ITPR1: variants seen among roughly 807,000 people sequenced by gnomAD.
ITPR1 encodes the protein inositol 1,4,5-trisphosphate-gated calcium channel ITPR1.
Under a neutral mutation model 318.4 loss-of-function variants are expected in ITPR1, and 96 were observed. The observed-to-expected ratio is 0.30, with a 90% CI of 0.26 to 0.36. The LOEUF is 0.36. Ranked by LOEUF, ITPR1 falls within the 10% of genes least tolerant of loss-of-function variation. The pLI, the probability that ITPR1 is intolerant of heterozygous loss-of-function variation, is 1.00. For synonymous variants in ITPR1, 1,312 were observed against 1,289.9 expected, an observed-to-expected ratio of 1.02 and a Z score of -0.37; for missense variants, 2,440 against 3,460.2, an observed-to-expected ratio of 0.71 and a Z score of 7.40.
chr3:4,726,872 T>C (rs2042554597), intron 41 of ITPR1, among the ~76,000 whole-genome samples: 1 of 152,254 alleles, frequency 6.6e-6, no homozygotes, highest in South Asian at 2.1e-4. Context: ...CAATAAATTA[T>C]GTTGGCCAAA....
intron 43 of ITPR1, among the ~76,000 whole-genome samples, 160 bp from the exon 44 acceptor site, chr3:4,735,004 C>T (rs1205656246): frequency 6.6e-6 from 1 of 152,174 alleles, no homozygotes; most frequent in Non-Finnish European, 1.5e-5. Context: ...CTTCATCGCT[C>T]TGTGTTAATA....
rs372657166 is a variant in ITPR1, at chr3:4,803,924, T to A, written c.7108-2179T>A. Among the ~76,000 whole-genome samples the A allele has an allele frequency of 6.6e-5, 10 of 152,258 alleles. No homozygotes were observed. The East Asian group carries it at 1.5e-3, about 24-fold the overall frequency. On this transcript the variant is annotated intron_variant, in intron 54 of 61. Transcript: ENST00000649015. Reference sequence around the variant, plus strand: ...TCTCGATCTGTCACCCAGGCTGGAGTACAGTGGTACAATCTCGGCTCACTG... The same window carrying A: ...TCTCGATCTGTCACCCAGGCTGGAGAACAGTGGTACAATCTCGGCTCACTG...
At chr3:4,604,612 C>G (rs1165439773) in intron 4 of ITPR1, among the ~76,000 whole-genome samples, 1 of 152,112 alleles carries the variant, frequency 6.6e-6, no homozygotes, top group Admixed American at 6.5e-5. Flanking sequence ...GAATTCATGA[C>G]TCTTTCATGG....
intron 4 of ITPR1, among the ~76,000 whole-genome samples, chr3:4,612,121 A>G (rs1024412300): frequency 7.8e-6 from 1 of 127,520 alleles, no homozygotes; most frequent in African/African-American, 3.0e-5. Context: ...GCTGGAGTGC[A>G]GTCCATGTCG....
At chr3:4,560,947 G>A (rs1349636840) in intron 4 of ITPR1, among the ~76,000 whole-genome samples, 3 of 152,174 alleles carry the variant, frequency 2.0e-5, no homozygotes, top group African/African-American at 7.2e-5. Context: ...CAACTTGGGG[G>A]CCAATGAATT....
At chr3:4,644,508 A>C (rs1189707936) in intron 8 of ITPR1, among the ~76,000 whole-genome samples, 1 of 152,216 alleles carries the variant, frequency 6.6e-6, no homozygotes, top group East Asian at 1.9e-4. Flanking sequence ...GTGAAGCCAG[A>C]GATGAACCCT....
At chr3:4,721,864 C>G (rs572406509) in intron 40 of ITPR1, among the ~76,000 whole-genome samples, 1 of 152,078 alleles carries the variant, frequency 6.6e-6, no homozygotes, top group East Asian at 1.9e-4. Flanking sequence ...GATGGATGTG[C>G]GTGGGTGCTG....
intron 4 of ITPR1, among the ~76,000 whole-genome samples, chr3:4,589,850 G>A (rs559673367): frequency 5.9e-5 from 9 of 152,080 alleles, no homozygotes; most frequent in South Asian, 4.1e-4. Flanking sequence ...CTGGGTATGC[G>A]GCCAGGATTG....
At chr3:4,724,377 T>A (rs1237394504) in intron 40 of ITPR1, 1 of 152,234 alleles carries the variant, frequency 6.6e-6, no homozygotes, top group Non-Finnish European at 1.5e-5. Context: ...AAGGGTAATG[T>A]TGAGCTGGAC....
intron 4 of ITPR1, among the ~76,000 whole-genome samples, chr3:4,624,870 G>A (rs1390107756): frequency 6.6e-6 from 1 of 152,096 alleles, no homozygotes; most frequent in African/African-American, 2.4e-5. Flanking sequence ...AGTGAATGGA[G>A]AATTCACATA....
Position 4,779,163 on chromosome 3 carries a change from G to A in ITPR1, c.6292-387G>A, listed in dbSNP as rs971512197. ...TAACAGTTTGTAACCACACCTGCCC[G>A]GAAGGCAGCACAGATCTGTGTAGTA... On this transcript the variant is annotated intron_variant, in intron 48 of 61. Transcript: ENST00000649015. This position sits in a 1 kb window ranked among gnomAD's most constrained non-coding sequence, Gnocchi z 4.0. 6.6e-6 allele frequency among the ~76,000 whole-genome samples: 1 copy of A among 152,218 alleles called. No individual in the cohort carries two copies. Among genetic ancestry groups the A allele is most frequent in the Non-Finnish European group, 1.5e-5 (1 of 68,038 alleles).
At chr3:4,758,075 C>G (rs2045144703) in intron 44 of ITPR1, among the ~76,000 whole-genome samples, 1 of 152,176 alleles carries the variant, frequency 6.6e-6, no homozygotes, top group South Asian at 2.1e-4. Flanking sequence ...TTGGCAGCCA[C>G]ATTTTTCAAA....
chr3:4,574,013 G>T (rs1156501810), intron 4 of ITPR1, among the ~76,000 whole-genome samples: 3 of 152,224 alleles, frequency 2.0e-5, no homozygotes, highest in Admixed American at 6.5e-5. Flanking sequence ...TTGTAGCCAT[G>T]TGTTTAAGCA....
chr3:4,515,568 A>G lies in ITPR1; in HGVS notation c.-16-908A>G, dbSNP rs116682412. On this transcript the variant is annotated intron_variant, in intron 2 of 61. Coordinates refer to ENST00000649015, the MANE Select transcript of ITPR1 (RefSeq NM_001378452.1). ...AACTGAGTTTGTTTTTTAATTGTCA[A>G]TTTAGCTTTTTACAATTGGTTCCCA... Among the ~76,000 whole-genome samples, 1,153 of 152,194 alleles carry G rather than the reference A, an allele frequency of 7.6e-3. 14 individuals carry two copies. The highest frequency in any genetic ancestry group is 0.026 in the African/African-American group (1,097 of 41,512).
intron 44 of ITPR1, among the ~76,000 whole-genome samples, chr3:4,762,994 C>A (rs376544990): frequency 7.2e-5 from 11 of 152,256 alleles, no homozygotes; most frequent in African/African-American, 2.6e-4. Context: ...AACTATGCAG[C>A]CATAAAATGT....
chr3:4,770,265 T>C (rs1370507268), intron 46 of ITPR1, among the ~76,000 whole-genome samples: 1 of 152,232 alleles, frequency 6.6e-6, no homozygotes, highest in African/African-American at 2.4e-5. Flanking sequence ...CGCAGTGAAT[T>C]GCTCTCACTT....
Position 4,519,809 on chromosome 3 carries a change from G to A in ITPR1, c.93-1215G>A, listed in dbSNP as rs548033842. On this transcript the variant is annotated intron_variant, in intron 3 of 61. Transcript: ENST00000649015. ...CCACCAAATAGATACTGAGCTGCCAGCCTTGGGCATCTTCTGGCCTTCATG... is the reference window on the plus strand; with the variant it reads ...CCACCAAATAGATACTGAGCTGCCAACCTTGGGCATCTTCTGGCCTTCATG... Among the ~76,000 whole-genome samples the A allele has an allele frequency of 3.9e-5, 6 of 152,276 alleles. No individual in the cohort carries two copies. The South Asian group carries it at 1.2e-3, about 32-fold the overall frequency.
At chr3:4,712,711 G>A (rs1304455825) in intron 39 of ITPR1, among the ~76,000 whole-genome samples, 2 of 152,208 alleles carry the variant, frequency 1.3e-5, no homozygotes, top group African/African-American at 4.8e-5. Flanking sequence ...CAACCAGATT[G>A]TCACAAGTAT....
chr3:4,649,515 A>G (rs1016063192), intron 10 of ITPR1, among the ~76,000 whole-genome samples: 6 of 152,132 alleles, frequency 3.9e-5, no homozygotes, highest in African/African-American at 1.2e-4. Flanking sequence ...TTCCCCTTCA[A>G]TATCCTCCCA....
Sources: allele counts gnomAD v4.1 joint callset (sites outside exome capture counted in the v4.1 genomes callset), GRCh38; gene constraint gnomAD v4.1.1; non-coding constraint Gnocchi (gnomAD v3.1); transcripts MANE v1.5; gene names NCBI Gene and HGNC (gene_info 2026-07-23, HGNC 2026-07-21).